MDGA2: variants seen among roughly 807,000 people sequenced by gnomAD.
MDGA2 encodes the protein MAM domain containing glycosylphosphatidylinositol anchor 2, also known as MAM domain-containing glycosylphosphatidylinositol anchor protein 2.
MDGA2 carries 40 observed loss-of-function variants against 117.8 expected under a neutral mutation model. That is an observed-to-expected ratio of 0.34 (90% CI 0.26 to 0.44). The LOEUF is 0.44. Among genes scored for constraint, MDGA2 ranks in the 20% least tolerant of loss-of-function variants. The pLI is 1.00. For missense variants in MDGA2, 1,123 were observed against 1,250.6 expected, an observed-to-expected ratio of 0.90 and a Z score of 1.54; for synonymous variants, 452 against 439.0, an observed-to-expected ratio of 1.03 and a Z score of -0.37.
chr14:46,910,917 C>T (rs186888170), intron 10 of MDGA2, among the ~76,000 whole-genome samples: 1 of 152,144 alleles, frequency 6.6e-6, no homozygotes, highest in Non-Finnish European at 1.5e-5. Flanking sequence ...ACAGCATGTT[C>T]TCAGTTATAA....
intron 8 of MDGA2, among the ~76,000 whole-genome samples, chr14:46,982,020 C>T (rs1402659056): frequency 3.9e-5 from 6 of 152,148 alleles, no homozygotes; most frequent in Admixed American, 2.0e-4. Context: ...TGCATATAAT[C>T]GGATTTATGA....
chr14:47,141,196 G>A (rs990414269), intron 4 of MDGA2, among the ~76,000 whole-genome samples: 1 of 152,100 alleles, frequency 6.6e-6, no homozygotes, highest in African/African-American at 2.4e-5. Flanking sequence ...ACTGTTGGCG[G>A]GAATGCAAAT....
intron 1 of MDGA2, among the ~76,000 whole-genome samples, chr14:47,516,164 T>G (rs1594895502): frequency 6.6e-6 from 1 of 152,312 alleles, no homozygotes; most frequent in Middle Eastern, 3.4e-3. Context: ...GTTTGCATAT[T>G]CATCAGTCCT....
At chr14:47,598,158 A>G in intron 1 of MDGA2, among the ~76,000 whole-genome samples, 1 of 152,304 alleles carries the variant, frequency 6.6e-6, no homozygotes, top group African/African-American at 2.4e-5. Context: ...ATCATTTTAA[A>G]AAGAATAGAA....
intron 5 of MDGA2, among the ~76,000 whole-genome samples, chr14:47,112,433 T>C (rs768468289): frequency 2.6e-5 from 4 of 152,254 alleles, no homozygotes; most frequent in Non-Finnish European, 1.5e-5. Flanking sequence ...GTGTGTGTTG[T>C]TCTCCTCCCT....
intron 1 of MDGA2, among the ~76,000 whole-genome samples, chr14:47,371,896 A>G (rs1454993073): frequency 6.6e-6 from 1 of 151,766 alleles, no homozygotes; most frequent in Non-Finnish European, 1.5e-5. Context: ...ATTATAACTA[A>G]CCTTTTTTGA....
chr14:46,905,186 G>A (rs181988354), intron 10 of MDGA2, among the ~76,000 whole-genome samples: 11 of 152,090 alleles, frequency 7.2e-5, no homozygotes, highest in African/African-American at 2.7e-4. Context: ...AGTGAGTCCT[G>A]GAAAACTCAT....
chr14:47,395,630 T>G (rs1328470535), intron 1 of MDGA2, among the ~76,000 whole-genome samples: 1 of 152,124 alleles, frequency 6.6e-6, no homozygotes, highest in Admixed American at 6.6e-5. Context: ...CAATCAAAAA[T>G]GTACATGATG....
At chr14:46,953,416 T>C (rs1259275360) in intron 9 of MDGA2, among the ~76,000 whole-genome samples, 1 of 151,902 alleles carries the variant, frequency 6.6e-6, no homozygotes, top group Non-Finnish European at 1.5e-5. Flanking sequence ...TAAGTATATA[T>C]AACTGTGTAC....
At chr14:46,849,906 A>C (rs1356046193) in intron 15 of MDGA2, among the ~76,000 whole-genome samples, 1 of 151,856 alleles carries the variant, frequency 6.6e-6, no homozygotes, top group African/African-American at 2.4e-5. Flanking sequence ...AGAAGGAACT[A>C]ACAGCAACTA....
At chr14:47,060,019 C>T (rs1380759309) in intron 7 of MDGA2, among the ~76,000 whole-genome samples, 1 of 152,086 alleles carries the variant, frequency 6.6e-6, no homozygotes, top group Non-Finnish European at 1.5e-5. Context: ...TGTGTATCAA[C>T]AGTTTTCCCT....
intron 7 of MDGA2, among the ~76,000 whole-genome samples, chr14:47,058,124 T>C (rs1413898661): frequency 1.3e-5 from 2 of 152,078 alleles, no homozygotes; most frequent in African/African-American, 2.4e-5. Context: ...ACTTAAAAAA[T>C]ATCATTATAT....
intron 1 of MDGA2, among the ~76,000 whole-genome samples, chr14:47,667,899 A>G (rs889700551): frequency 6.6e-6 from 1 of 152,214 alleles, no homozygotes; most frequent in Non-Finnish European, 1.5e-5. Context: ...AGTCCTTAAT[A>G]TAGATTTGAG....
chr14:47,373,064 G>A (rs765311624), intron 1 of MDGA2, among the ~76,000 whole-genome samples: 21 of 151,912 alleles, frequency 1.4e-4, no homozygotes, highest in Non-Finnish European at 2.5e-4. Context: ...ACTTGTATAA[G>A]TTTGTATATG....
intron 1 of MDGA2, among the ~76,000 whole-genome samples, chr14:47,599,232 GC>G (rs1347807700): frequency 1.3e-5 from 2 of 151,634 alleles, no homozygotes. Context: ...AATCTGTTAA[GC>G]CATTCCATCT....
chr14:47,080,145 C>T (rs534842042), intron 6 of MDGA2, among the ~76,000 whole-genome samples: 1 of 152,084 alleles, frequency 6.6e-6, no homozygotes, highest in Admixed American at 6.6e-5. Context: ...TACTGAATGC[C>T]AATTACATAA....
rs1269451959 is a variant in MDGA2 at position 47,509,749 on chromosome 14, C to G, written c.280+164768G>C. On this transcript the variant is annotated intron_variant, in intron 1 of 16. Coordinates refer to ENST00000399232, the MANE Select transcript of MDGA2 (RefSeq NM_001113498.3). ...TCCATTACGTCTTCTTTTCTCTATC[C>G]CCCTTTTGGACAGGAAATGTCTATC... 2.0e-5 allele frequency among the ~76,000 whole-genome samples: 3 copies of G among 152,290 alleles called. No individual in the cohort carries two copies. In the East Asian group the frequency reaches 5.8e-4, roughly 29 times the overall value.
intron 1 of MDGA2, among the ~76,000 whole-genome samples, chr14:47,350,402 C>G (rs767854212): frequency 1.3e-5 from 2 of 152,070 alleles, no homozygotes; most frequent in Non-Finnish European, 2.9e-5. Flanking sequence ...ATGGAAATAG[C>G]AGGTAGAAAG....
chr14:46,851,006 T>C (rs1881035696), intron 15 of MDGA2, among the ~76,000 whole-genome samples: 1 of 151,876 alleles, frequency 6.6e-6, no homozygotes, highest in South Asian at 2.1e-4. Context: ...GACAATATTT[T>C]CTAGCTTATT....
Sources: allele counts gnomAD v4.1 joint callset (sites outside exome capture counted in the v4.1 genomes callset), GRCh38; gene constraint gnomAD v4.1.1; transcripts MANE v1.5; gene names NCBI Gene and HGNC (gene_info 2026-07-23, HGNC 2026-07-21).